TBC1D5: variants seen among roughly 807,000 people sequenced by gnomAD.
TBC1D5 encodes the protein TBC1 domain family, member 5.
TBC1D5 carries 75 observed loss-of-function variants against 100.3 expected under a neutral mutation model. The ratio of observed to expected loss-of-function variants is 0.75; its 90% CI spans 0.62 to 0.91. The LOEUF is 0.91. Among genes scored for constraint, TBC1D5 ranks in the 40% least tolerant of loss-of-function variants. The probability of loss-of-function intolerance (pLI) is 0.00; values close to 1 mark genes in which losing one functional copy is unlikely to be tolerated. For missense variants in TBC1D5, 910 were observed against 942.4 expected, an observed-to-expected ratio of 0.97 and a Z score of 0.45; for synonymous variants, 323 against 325.6, an observed-to-expected ratio of 0.99 and a Z score of 0.09.
intron 2 of TBC1D5, among the ~76,000 whole-genome samples, chr3:17,522,664 C>T (rs1380479901): frequency 6.6e-6 from 1 of 152,120 alleles, no homozygotes; most frequent in Non-Finnish European, 1.5e-5. Flanking sequence ...AGGAGCTACA[C>T]AAACCCTATC....
chr3:17,735,656 C>G (rs2076907317), intron 1 of TBC1D5, among the ~76,000 whole-genome samples: 1 of 152,172 alleles, frequency 6.6e-6, no homozygotes, highest in African/African-American at 2.4e-5. Context: ...TAGTGTTCAG[C>G]TCAATTAGGA....
chr3:17,388,571 A>C, intron 8 of TBC1D5, among the ~76,000 whole-genome samples: 1 of 151,706 alleles, frequency 6.6e-6, no homozygotes, highest in East Asian at 1.9e-4. Context: ...ACCATAGGCC[A>C]GGTGAAGAGG....
chr3:17,536,102 G>A (rs1004684750), intron 2 of TBC1D5, among the ~76,000 whole-genome samples: 8 of 152,058 alleles, frequency 5.3e-5, no homozygotes, highest in Non-Finnish European at 1.2e-4. Context: ...CATGCATCAA[G>A]AAGTTTCTCA....
chr3:17,206,394 T>C (rs1198055325), intron 18 of TBC1D5, among the ~76,000 whole-genome samples: 1 of 152,218 alleles, frequency 6.6e-6, no homozygotes, highest in African/African-American at 2.4e-5. Flanking sequence ...TAAACAGATA[T>C]AATGTCTTAA....
At chr3:17,485,647 C>A (rs2095555935) in intron 3 of TBC1D5, among the ~76,000 whole-genome samples, 2 of 151,992 alleles carry the variant, frequency 1.3e-5, no homozygotes, top group Admixed American at 1.3e-4. Flanking sequence ...CAATTTCATC[C>A]CTGTCCCTAC....
chr3:17,234,386 T>A (rs534172236), intron 17 of TBC1D5, among the ~76,000 whole-genome samples: 8 of 150,462 alleles, frequency 5.3e-5, no homozygotes, highest in African/African-American at 2.0e-4. Context: ...AATAATGACA[T>A]GTTCAAATTA....
intron 19 of TBC1D5, among the ~76,000 whole-genome samples, chr3:17,175,298 T>C (rs554028399): frequency 1.6e-4 from 13 of 80,964 alleles, no homozygotes; most frequent in Admixed American, 1.4e-3. Flanking sequence ...CTAAAGACAA[T>C]TCTTGAGGCC....
intron 1 of TBC1D5, among the ~76,000 whole-genome samples, chr3:17,630,038 A>G (rs1056552822): frequency 6.6e-6 from 1 of 152,218 alleles, no homozygotes; most frequent in Non-Finnish European, 1.5e-5. Flanking sequence ...TGATCACCCT[A>G]TTCAGCACAA....
chr3:17,414,803 C>T (rs1052500177), intron 4 of TBC1D5, among the ~76,000 whole-genome samples: 1 of 152,118 alleles, frequency 6.6e-6, no homozygotes, highest in Non-Finnish European at 1.5e-5. Flanking sequence ...TTTTCTAAAA[C>T]TTACTTTTAT....
At chr3:17,418,601 T>TAA (rs544718817) in intron 4 of TBC1D5, among the ~76,000 whole-genome samples, 105 of 136,556 alleles carry the variant, frequency 7.7e-4, no homozygotes, top group African/African-American at 2.6e-3. Context: ...CCCCATCTAA[T>TAA]AAAAAAAAAA....
chr3:17,401,278 TACAC>T lies in TBC1D5; in HGVS notation c.509+1899_509+1902del, dbSNP rs1288518837. Reference sequence around the variant, plus strand: ...TATACATATATATGTATGTGTATAATACACATATATATGTATGTGTATAATACAC... The same window carrying T: ...TATACATATATATGTATGTGTATAATATATATATGTATGTGTATAATACAC... On this transcript the variant is annotated intron_variant, in intron 8 of 21. Coordinates refer to ENST00000253692, the Ensembl canonical transcript of TBC1D5. Among the ~76,000 whole-genome samples the T allele has an allele frequency of 8.8e-5, 13 of 146,920 alleles. 3 individuals are homozygous for T. Among genetic ancestry groups the T allele is most frequent in the African/African-American group, 2.3e-4 (9 of 39,314 alleles).
intron 4 of TBC1D5, among the ~76,000 whole-genome samples, chr3:17,417,265 T>A (rs1300130882): frequency 6.6e-6 from 1 of 152,080 alleles, no homozygotes; most frequent in Non-Finnish European, 1.5e-5. Context: ...TATATATACA[T>A]GTGCCATGCT....
At chr3:17,740,400 T>C (rs1314091540) in exon 1 of TBC1D5, 1 of 151,976 alleles carries the variant, frequency 6.6e-6, no homozygotes, top group Non-Finnish European at 1.5e-5. Flanking sequence ...AGTAAGCGCT[T>C]CAGAAGTACT....
chr3:17,363,247 A>G (rs368994393), intron 13 of TBC1D5, among the ~76,000 whole-genome samples: 44 of 152,226 alleles, frequency 2.9e-4, no homozygotes, highest in African/African-American at 9.4e-4. Context: ...ATATCTATAC[A>G]TGGACTTTTA....
chr3:17,430,873 T>G (rs1316878390), intron 3 of TBC1D5, among the ~76,000 whole-genome samples: 1 of 151,906 alleles, frequency 6.6e-6, no homozygotes, highest in Non-Finnish European at 1.5e-5. Context: ...AGATTTTCCT[T>G]GGTGTGAAAC....
rs114542002 is a variant in TBC1D5, at chr3:17,458,232, C to T, written c.98-29713G>A. ...TTTTTATCACTGTAGATATTCCTAC[C>T]CCTTCCTCAGGGGCTGAGGGTTTTT... On this transcript the variant is annotated intron_variant, in intron 3 of 21. Coordinates refer to ENST00000253692, the Ensembl canonical transcript of TBC1D5. 7.0e-3 allele frequency among the ~76,000 whole-genome samples: 1,066 copies of T among 152,164 alleles called. 12 individuals carry two copies. The highest frequency in any genetic ancestry group is 0.024 in the African/African-American group (979 of 41,504).
At chr3:17,727,810 G>A (rs549586062) in intron 1 of TBC1D5, among the ~76,000 whole-genome samples, 212 of 152,292 alleles carry the variant, frequency 1.4e-3, no homozygotes, top group South Asian at 3.5e-3. Context: ...CTGTAAAACA[G>A]TGATGTTAAA....
intron 1 of TBC1D5, among the ~76,000 whole-genome samples, chr3:17,685,535 A>G (rs2070147959): frequency 6.6e-6 from 1 of 152,100 alleles, no homozygotes; most frequent in Non-Finnish European, 1.5e-5. Context: ...CCGGATTTTG[A>G]TAATTTAAAT....
intron 3 of TBC1D5, among the ~76,000 whole-genome samples, chr3:17,484,640 G>C (rs1404014271): frequency 6.6e-6 from 1 of 151,912 alleles, no homozygotes; most frequent in Admixed American, 6.6e-5. Flanking sequence ...ATGCCATTAT[G>C]CTTGGCTAAT....
Sources: gnomAD v4.1 joint callset for allele counts (sites outside exome capture counted in the v4.1 genomes callset) on GRCh38, gnomAD v4.1.1 for gene constraint, MANE v1.5 for transcripts, NCBI Gene and HGNC (gene_info 2026-07-23, HGNC 2026-07-21) for gene names.